The following SRCAP variants were observed in gnomAD, a reference collection of about 807,000 sequenced individuals.
SRCAP encodes the protein chromatin remodeling protein SRCAP.
A neutral mutation model predicts 263.1 loss-of-function variants in SRCAP; 46 were observed. The ratio of observed to expected loss-of-function variants is 0.17; its 90% CI spans 0.14 to 0.22. SRCAP has a LOEUF of 0.22. Among genes scored for constraint, SRCAP ranks in the 10% least tolerant of loss-of-function variants. SRCAP has a pLI of 1.00. For missense variants in SRCAP, 3,695 were observed against 4,181.9 expected, an observed-to-expected ratio of 0.88 and a Z score of 3.21; for synonymous variants, 1,813 against 1,662.1, an observed-to-expected ratio of 1.09 and a Z score of -2.21.
At chr16:30,701,862 C>A (rs2052770479) in intron 3 of SRCAP, among the ~76,000 whole-genome samples, 4 of 151,486 alleles carry the variant, frequency 2.6e-5, no homozygotes, top group Non-Finnish European at 5.9e-5. Context: ...GAACTCCTGA[C>A]CTCAGGTGAT....
rs1022782708 is a variant in SRCAP, at chr16:30,720,260, G to T, written c.2916G>T (p.Arg972=). 4 of 1,614,166 alleles carry T rather than the reference G, an allele frequency of 2.5e-6. No homozygotes were observed. The East Asian group carries it at 8.9e-5, about 36-fold the overall frequency. ...TGCCCCGGCACCGCCTCTCTCGCCG[G>T]GTACTGTTAGAAGTGGCTACTGCTC... ...TFLPRHRLSR[R]VLLEVATAPD... is the part of the protein sequence containing the mutation. Residue 972 remains arginine, a synonymous_variant, in exon 19 of 34, where the codon CGG becomes CGT. Transcript: ENST00000262518.
In SRCAP at chr16:30,739,670, C is replaced by A; in HGVS notation, c.9630C>A (p.Ser3210Arg). ...TNQGDQRILR[S>R]SAPPSLAGPA... ...AAGGGGACCAGCGCATCCTGCGCAG[C>A]AGCGCCCCTCCCTCCCTGGCTGGCC... The change falls in exon 34 of 34, where the codon AGC becomes AGA. Residue 3210 changes from serine to arginine, a missense_variant. Transcript: ENST00000262518. 1.3e-6 allele frequency: 2 copies of A among 1,567,076 alleles called. No homozygotes were observed. The highest frequency in any genetic ancestry group is 1.9e-5 in the Admixed American group (1 of 52,194).
Position 30,738,515 on chromosome 16 carries a change from C to A in SRCAP, c.8475C>A (p.Phe2825Leu). The A allele has an allele frequency of 6.2e-7, 1 of 1,611,810 alleles. No individual in the cohort carries two copies. Among genetic ancestry groups the A allele is most frequent in the Non-Finnish European group, 8.5e-7 (1 of 1,178,810 alleles). Reference sequence around the variant, plus strand: ...TGCCCACTCCACCCCAGCAGCCCTTCATTGCTCGCCGTCACATTGAGCTGG... The same window carrying A: ...TGCCCACTCCACCCCAGCAGCCCTTAATTGCTCGCCGTCACATTGAGCTGG... ...SSLPTPPQQPFIARRHIELGV... is the reference protein window; with the variant it reads ...SSLPTPPQQPLIARRHIELGV... The change falls in exon 34 of 34, where the codon TTC becomes TTA. Residue 2825 changes from phenylalanine to leucine, a missense_variant. By Grantham distance (22) the Phe-to-Leu change is conservative. This residue lies in a region of SRCAP where 1,207 missense variants were observed against 1,142.9 expected (regional missense o/e 1.06). Transcript: ENST00000262518.
At chr16:30,725,271 T>A (rs771821611) in intron 25 of SRCAP, 189 bp downstream of exon 25, 6 of 1,249,620 alleles carry the variant, frequency 4.8e-6, no homozygotes, top group Non-Finnish European at 6.4e-6. Context: ...TCCGCCTGCC[T>A]CAGCCTCCTG....
chr16:30,729,646 A>G, intron 27 of SRCAP, 74 bp downstream of exon 27: 5 of 1,550,744 alleles, frequency 3.2e-6, no homozygotes, highest in Non-Finnish European at 4.4e-6. Context: ...TATCAGAGGG[A>G]TGCTGCACTT....
chr16:30,718,997 A>T lies in SRCAP; in HGVS notation c.2818-1165A>T, dbSNP rs28846535. ...TTGCAACCTCTGCGTCTTGGGTTCA[A>T]GCGATTCTCGATTCTTGTGCCTCAG... On this transcript the variant is annotated intron_variant, in intron 18 of 33. Transcript: ENST00000262518. 6.1e-3 allele frequency among the ~76,000 whole-genome samples: 925 copies of T among 151,202 alleles called. 13 individuals carry two copies. Among genetic ancestry groups the T allele is most frequent in the African/African-American group, 0.022 (892 of 41,118 alleles).
intron 2 of SRCAP, among the ~76,000 whole-genome samples, chr16:30,700,326 G>A (rs150656815): frequency 6.6e-6 from 1 of 152,304 alleles, no homozygotes; most frequent in Admixed American, 6.5e-5. Context: ...TAGAATGTAA[G>A]CTACATTTAG....
At chr16:30,708,310 G>A (rs767114481) in intron 6 of SRCAP, among the ~76,000 whole-genome samples, 1 of 152,182 alleles carries the variant, frequency 6.6e-6, no homozygotes, top group Non-Finnish European at 1.5e-5. Context: ...CTGGGCTCAC[G>A]CGATCTTCCT....
chr16:30,728,142 A>G (rs1004916046), intron 25 of SRCAP, among the ~76,000 whole-genome samples: 1 of 151,808 alleles, frequency 6.6e-6, no homozygotes, highest in African/African-American at 2.4e-5. Flanking sequence ...GATTTGGAAC[A>G]CTCCTCTTTT....
Position 30,721,278 on chromosome 16 carries a change from C to A in SRCAP, c.3343C>A (p.Arg1115Ser). The change falls in exon 21 of 34, where the codon CGC becomes AGC. Residue 1115 changes from arginine to serine, a missense_variant. Arg to Ser is a moderately radical substitution (Grantham distance 110). Transcript: ENST00000262518. ...SLKPTPPAPVRLSPAPPPGSS... is the reference protein window; with the variant it reads ...SLKPTPPAPVSLSPAPPPGSS... The stretch of plus-strand genomic sequence containing the variant: ...AAAGCCAACACCACCTGCCCCAGTT[C>A]GCCTGAGCCCAGCCCCACCTCCAGG... The A allele has an allele frequency of 6.2e-7, 1 of 1,614,118 alleles. No individual in the cohort carries two copies. The highest frequency in any genetic ancestry group is 8.5e-7 in the Non-Finnish European group (1 of 1,180,014).
In SRCAP at chr16:30,734,612, G is replaced by A. The variant is rs1184213775; in HGVS notation, c.6726G>A (p.Glu2242=). The part of the protein sequence containing the change: ...TVASKQTHIL[E]QALCRAEDEE... ...CCAGCAAGCAGACTCATATTCTGGA[G>A]CAGGTAAAAAAAGAGTGGGCAGTTC... is the stretch of plus-strand genomic sequence containing the variant. Residue 2242 remains glutamate (E), a synonymous_variant, in exon 31 of 34, where the codon GAG becomes GAA. Coordinates refer to ENST00000262518, the MANE Select transcript of SRCAP (RefSeq NM_006662.3). 6.2e-7 allele frequency: 1 copy of A among 1,613,964 alleles called. No homozygotes were observed. The highest frequency in any genetic ancestry group is 8.5e-7 in the Non-Finnish European group (1 of 1,179,962).
In SRCAP at chr16:30,707,221, G is replaced by C; in HGVS notation, c.345G>C (p.Lys115Asn). ...EIETRIAELRKEGFWSLKRLP... is the reference protein window; with the variant it reads ...EIETRIAELRNEGFWSLKRLP... ...AGACTCGGATTGCTGAGCTGCGGAA[G>C]GAGGGTTTCTGGTCACTGAAGAGGC... Residue 115 changes from lysine to asparagine, a missense_variant, in exon 5 of 34, where the codon AAG becomes AAC. Around this residue, in one of 12 missense-constraint regions of SRCAP, gnomAD observed 107 missense variants for 223.8 expected, o/e 0.48. Coordinates refer to ENST00000262518, the MANE Select transcript of SRCAP (RefSeq NM_006662.3). The C allele has an allele frequency of 6.2e-7, 1 of 1,614,170 alleles. No homozygotes were observed. Among genetic ancestry groups the C allele is most frequent in the Non-Finnish European group, 8.5e-7 (1 of 1,180,036 alleles).
intron 18 of SRCAP, among the ~76,000 whole-genome samples, chr16:30,718,317 C>T (rs549299930): frequency 3.0e-4 from 46 of 152,080 alleles, no homozygotes; most frequent in Non-Finnish European, 5.0e-4. Context: ...GCTGGGATTA[C>T]GGGCATGCGC....
rs2151292835 is a variant in SRCAP at position 30,721,216 on chromosome 16, G to A, written c.3281G>A (p.Ser1094Asn). The A allele has an allele frequency of 1.2e-6, 2 of 1,612,786 alleles. No homozygotes were observed. Among genetic ancestry groups the A allele is most frequent in the Middle Eastern group, 1.7e-4 (1 of 6,054 alleles). The change falls in exon 21 of 34, where the codon AGT becomes AAT. Residue 1094 changes from serine to asparagine, a missense_variant. By Grantham distance (46) the Ser-to-Asn change is conservative. Coordinates refer to ENST00000262518, the MANE Select transcript of SRCAP (RefSeq NM_006662.3). ...QVLPSPLGVL[S>N]GTSRPPTPTL... is the part of the protein sequence containing the mutation. ...TTGCCATCCCCCCTGGGGGTCCTGA[G>A]TGGGACCTCACGGCCTCCCACGCCA...
At chr16:30,702,567 T>TTCCCTCCC (rs1265038644) in intron 3 of SRCAP, among the ~76,000 whole-genome samples, 20 of 25,798 alleles carry the variant, frequency 7.8e-4, no homozygotes, top group Admixed American at 1.9e-3. Flanking sequence ...CCTCCCTCCC[T>TTCCCTCCC]TCCCTCCCTC....
At chr16:30,731,245 C>CA (rs1311458389) in intron 27 of SRCAP, among the ~76,000 whole-genome samples, 1 of 152,042 alleles carries the variant, frequency 6.6e-6, no homozygotes, top group Non-Finnish European at 1.5e-5. Context: ...AGGGGAATAG[C>CA]AAAAAAGACC....
chr16:30,739,457 A>G lies in SRCAP; in HGVS notation c.9417A>G (p.Lys3139=). ...TAGAGACTGAGAAGTTGCCTCGCAA[A>G]CGAGCAGGGGCCCCAGTTGGTGGGA... ...PPLETEKLPR[K]RAGAPVGGSP... Residue 3139 remains lysine (K), a synonymous_variant, in exon 34 of 34, where the codon AAA becomes AAG. Coordinates refer to ENST00000262518, the MANE Select transcript of SRCAP (RefSeq NM_006662.3). 5.6e-6 allele frequency: 9 copies of G among 1,614,132 alleles called. No individual in the cohort carries two copies. Among genetic ancestry groups the G allele is most frequent in the South Asian group, 1.1e-5 (1 of 91,086 alleles).
Position 30,721,267 on chromosome 16 carries a change from C to G in SRCAP, c.3332C>G (p.Pro1111Arg), listed in dbSNP as rs766931053. ...ACCTTGTCCCTAAAGCCAACACCAC[C>G]TGCCCCAGTTCGCCTGAGCCCAGCC... Reference protein sequence around the residue: ...TPTLSLKPTPPAPVRLSPAPP... With the variant: ...TPTLSLKPTPRAPVRLSPAPP... The change falls in exon 21 of 34, where the codon CCT (proline) becomes CGT (arginine). Residue 1111 changes from proline (P) to arginine (R), a missense_variant. Coordinates refer to ENST00000262518, the MANE Select transcript of SRCAP (RefSeq NM_006662.3). The G allele has an allele frequency of 6.2e-7, 1 of 1,614,184 alleles. No individual in the cohort carries two copies. Among genetic ancestry groups the G allele is most frequent in the Middle Eastern group, 1.6e-4 (1 of 6,062 alleles).
chr16:30,709,436 G>T (rs2151287323), intron 6 of SRCAP, 77 bp from the exon 7 acceptor site: 1 of 1,499,294 alleles, frequency 6.7e-7, no homozygotes, highest in Middle Eastern at 1.8e-4. Context: ...GTTAAAGAAG[G>T]TCTCCCTAAA....
Sources: allele counts gnomAD v4.1 joint callset (sites outside exome capture counted in the v4.1 genomes callset), GRCh38; gene constraint gnomAD v4.1.1; regional missense constraint gnomAD v4.1.1; transcripts MANE v1.5; gene names NCBI Gene and HGNC (gene_info 2026-07-23, HGNC 2026-07-21).